EIF4G2: variants seen among roughly 807,000 people sequenced by gnomAD.
EIF4G2 encodes eukaryotic translation initiation factor 4 gamma 2, also known as DAP-5.
In EIF4G2, 8 loss-of-function variants were observed where a neutral mutation model predicts 117.7. That is an observed-to-expected ratio of 0.07 (90% CI 0.04 to 0.12). The LOEUF (loss-of-function observed/expected upper bound fraction) is 0.12, where lower values mean the gene tolerates loss of function less well. EIF4G2 is among the 10% of genes least tolerant of loss of function. The probability of loss-of-function intolerance (pLI) is 1.00; values close to 1 mark genes in which losing one functional copy is unlikely to be tolerated. For synonymous variants in EIF4G2, 413 were observed against 367.8 expected (o/e 1.12, Z -1.41); for missense variants, 812 against 1,086.2 (o/e 0.75, Z 3.55).
rs1847494696 is a variant in EIF4G2, at chr11:10,804,046, A to G, written c.555T>C (p.Tyr185=). The change falls in exon 8 of 22, where the codon TAT becomes TAC. Residue 185 remains tyrosine, a synonymous_variant. Coordinates refer to ENST00000339995, the MANE Select transcript of EIF4G2 (RefSeq NM_001418.4). The stretch of plus-strand genomic sequence containing the variant: ...GGAGGAGGGGATTTTCACGCTTATC[A>G]TAGACTGAAAAAGATACCAATGAAG... 3.7e-6 allele frequency: 6 copies of G among 1,613,842 alleles called. No individual in the cohort carries two copies. Among genetic ancestry groups the G allele is most frequent in the Non-Finnish European group, 5.1e-6 (6 of 1,179,814 alleles).
In EIF4G2 at chr11:10,808,647, C is replaced by G. The variant is rs929271089; in HGVS notation, c.-87+58G>C. On this transcript the variant is annotated intron_variant, in intron 1 of 21. Transcript: ENST00000339995. ...TTTTGTACCACTCGAGAAGAAGCGA[C>G]CAGGGACGGCGGCCATTTTAGAGCG... 4.4e-5 allele frequency: 16 copies of G among 359,972 alleles called. No homozygotes were observed. In the South Asian group the frequency reaches 5.4e-4, roughly 12 times the overall value. The allele number at this position is 359,972 out of a possible 1,614,324, so 22.3% of individuals were successfully genotyped here. A position where few individuals can be genotyped will look rare whatever the true frequency, so the allele number is the denominator to read the frequency against.
chr11:10,797,895 T>C lies in EIF4G2; in HGVS notation c.2659-14A>G. ...CCACTGATTCACCTATAAATTAAGA[T>C]TTGTAAATTAAAATAGTTCATGATA... On this transcript the variant is annotated splice_polypyrimidine_tract_variant and intron_variant, in intron 21 of 21. Transcript: ENST00000339995. This position sits in a 1 kb window ranked among gnomAD's most constrained non-coding sequence, Gnocchi z 4.5. The C allele has an allele frequency of 6.2e-7, 1 of 1,612,076 alleles. No individual in the cohort carries two copies. Among genetic ancestry groups the C allele is most frequent in the Non-Finnish European group, 8.5e-7 (1 of 1,179,036 alleles).
At position 10,805,029 on chromosome 11, in the gene EIF4G2, AATTAC is replaced by A. The variant is rs746464432; in HGVS notation, c.249-19_249-15del. 13 of 1,595,082 alleles carry A rather than the reference AATTAC, an allele frequency of 8.2e-6. No individual in the cohort carries two copies. Among genetic ancestry groups the A allele is most frequent in the Non-Finnish European group, 1.1e-5 (13 of 1,162,748 alleles). On this transcript the variant is annotated splice_polypyrimidine_tract_variant and intron_variant, in intron 4 of 21. Transcript: ENST00000339995. ...TTATTTAGTATGCTGGAGAAAAAGG[AATTAC>A]ATTTTAAGTGTTAGCTAATACACAG...
rs1317890781 is a variant in EIF4G2 at position 10,797,610 on chromosome 11, T to C, written c.*206A>G. ...TAATATACTATCTAAACATTAAAGA[T>C]ACTCCTAAAATATTTGATGGTAGAC... On this transcript the variant is annotated 3_prime_UTR_variant, in exon 22 of 22. Coordinates refer to ENST00000339995, the MANE Select transcript of EIF4G2 (RefSeq NM_001418.4). The surrounding 1 kb of genome is among the most constrained non-coding windows in gnomAD (Gnocchi z 4.5). 2 of 578,706 alleles carry C rather than the reference T, an allele frequency of 3.5e-6. No homozygotes were observed. Among genetic ancestry groups the C allele is most frequent in the Non-Finnish European group, 6.1e-6 (2 of 326,248 alleles). The allele number at this position is 578,706 out of a possible 1,614,324, so 35.8% of individuals were successfully genotyped here. A position where few individuals can be genotyped will look rare whatever the true frequency, so the allele number is the denominator to read the frequency against.
Position 10,803,333 on chromosome 11 carries a change from C to A in EIF4G2, c.814-39G>T, listed in dbSNP as rs769596684. On this transcript the variant is annotated intron_variant, in intron 9 of 21. Coordinates refer to ENST00000339995, the MANE Select transcript of EIF4G2 (RefSeq NM_001418.4). This position sits in a 1 kb window ranked among gnomAD's most constrained non-coding sequence, Gnocchi z 4.0. ...AATACATTCATTGGAAGAGCTAAAG[C>A]AAATGTGTTCAATTTACAGCTTTAA... is the stretch of plus-strand genomic sequence containing the variant. The A allele has an allele frequency of 2.5e-6, 4 of 1,601,380 alleles. No homozygotes were observed. The highest frequency in any genetic ancestry group is 3.4e-6 in the Non-Finnish European group (4 of 1,172,136).
intron 1 of EIF4G2, 172 bp from the exon 2 acceptor site, chr11:10,807,553 A>G: frequency 7.8e-7 from 1 of 1,279,872 alleles, no homozygotes; most frequent in Non-Finnish European, 9.9e-7. Flanking sequence ...AGCCACCTGG[A>G]AATTCCCCGG....
chr11:10,804,461 C>T lies in EIF4G2; in HGVS notation c.352-43G>A, dbSNP rs913792813. On this transcript the variant is annotated intron_variant, in intron 5 of 21. Transcript: ENST00000339995. ...GCTTAAACTAAATATGAAAACTTCT[C>T]CAAGAACCCTTCCTTTAGGAAAAAT... The T allele has an allele frequency of 9.1e-6, 14 of 1,535,920 alleles. No individual in the cohort carries two copies. In the African/African-American group the frequency reaches 9.7e-5, roughly 11 times the overall value.
chr11:10,802,985 C>T lies in EIF4G2; in HGVS notation c.996+45G>A, dbSNP rs1273238540. ...TGAGGAGGAAACCCATTCTATTCTA[C>T]ACACACAGAGTCTATGTGACAAACA... On this transcript the variant is annotated intron_variant, in intron 11 of 21. Coordinates refer to ENST00000339995, the MANE Select transcript of EIF4G2 (RefSeq NM_001418.4). 1.0e-5 allele frequency: 16 copies of T among 1,564,068 alleles called. No individual in the cohort carries two copies. In the South Asian group the frequency reaches 1.8e-4, roughly 18 times the overall value.
intron 11 of EIF4G2, 73 bp from the exon 12 acceptor site, chr11:10,802,508 T>C: frequency 6.9e-7 from 1 of 1,456,994 alleles, no homozygotes; most frequent in Non-Finnish European, 9.1e-7. Context: ...TTCTTGCAAC[T>C]AGGGGGGGAA....
chr11:10,802,824 G>A (rs530212625), intron 11 of EIF4G2, among the ~76,000 whole-genome samples: 37 of 152,202 alleles, frequency 2.4e-4, no homozygotes, highest in African/African-American at 7.7e-4. Flanking sequence ...TCGAGAATGC[G>A]CCACTGCACT....
chr11:10,807,174 A>T, intron 2 of EIF4G2, 81 bp downstream of exon 2: 2 of 1,528,460 alleles, frequency 1.3e-6, no homozygotes, highest in Non-Finnish European at 1.8e-6. Context: ...GCAGCCCATT[A>T]AGTCGGACTT....
chr11:10,806,641 T>C, intron 3 of EIF4G2, 179 bp downstream of exon 3: 2 of 603,284 alleles, frequency 3.3e-6, no homozygotes, highest in South Asian at 4.9e-5. Flanking sequence ...CTCAACTCAC[T>C]TAGAAAATTT....
intron 14 of EIF4G2, 30 bp downstream of exon 14, chr11:10,801,631 A>G (rs199909225): frequency 6.3e-7 from 1 of 1,583,328 alleles, no homozygotes; most frequent in East Asian, 2.2e-5. Flanking sequence ...TGGACAAACT[A>G]TGGTATATAA....
chr11:10,804,487 A>G, intron 5 of EIF4G2, 69 bp from the exon 6 acceptor site: 4 of 1,508,602 alleles, frequency 2.7e-6, no homozygotes, highest in Non-Finnish European at 3.5e-6. Context: ...TAGGAAAAAT[A>G]CAACCACCTA....
intron 1 of EIF4G2, chr11:10,807,825 C>T: frequency 3.0e-6 from 3 of 991,436 alleles, no homozygotes; most frequent in Non-Finnish European, 2.4e-6. Context: ...CGCCTCCTCC[C>T]CGTGGAGAGC....
At chr11:10,808,500 G>A (rs1021869797) in intron 1 of EIF4G2, 8 of 1,239,592 alleles carry the variant, frequency 6.5e-6, no homozygotes, top group Admixed American at 5.7e-5. Context: ...CAACACTGAC[G>A]TTTTCCTTCT....
rs758846275 is a variant in EIF4G2, at chr11:10,803,491, C to T, written c.802G>A (p.Glu268Lys). The change falls in exon 9 of 22, where the codon GAA becomes AAA. Residue 268 changes from glutamate (E) to lysine (K), a missense_variant. Around this residue, in one of 4 missense-constraint regions of EIF4G2, gnomAD observed 154 missense variants for 322.1 expected, o/e 0.48. Transcript: ENST00000339995. This position sits in a 1 kb window ranked among gnomAD's most constrained non-coding sequence, Gnocchi z 4.0. ...AGCTACACACGTACCTTGGCTCGTTCATGGTCTAATCTAGGTCCCACTGTC... is the reference window on the plus strand; with the variant it reads ...AGCTACACACGTACCTTGGCTCGTTTATGGTCTAATCTAGGTCCCACTGTC... The T allele has an allele frequency of 6.2e-7, 1 of 1,613,994 alleles. No homozygotes were observed.
rs1847380553 is a variant in EIF4G2 at position 10,800,292 on chromosome 11, C to T, written c.1917G>A (p.Val639=). The change falls in exon 18 of 22, where the codon GTG becomes GTA. Residue 639 remains valine, a synonymous_variant. Transcript: ENST00000339995. ...CTGCAAACTGTGCTAAATAGGATTTCACCAAAGGGATGTCAACCTCCAGTT... is the reference window on the plus strand; with the variant it reads ...CTGCAAACTGTGCTAAATAGGATTTTACCAAAGGGATGTCAACCTCCAGTT... 6.2e-7 allele frequency: 1 copy of T among 1,614,068 alleles called. No homozygotes were observed. The highest frequency in any genetic ancestry group is 8.5e-7 in the Non-Finnish European group (1 of 1,180,032).
Position 10,803,334 on chromosome 11 carries a change from A to G in EIF4G2, c.814-40T>C, listed in dbSNP as rs772960207. 8.1e-6 allele frequency: 13 copies of G among 1,601,614 alleles called. No homozygotes were observed. Among genetic ancestry groups the G allele is most frequent in the Non-Finnish European group, 1.1e-5 (13 of 1,171,998 alleles). ...ATACATTCATTGGAAGAGCTAAAGCAAATGTGTTCAATTTACAGCTTTAAG... is the reference window on the plus strand; with the variant it reads ...ATACATTCATTGGAAGAGCTAAAGCGAATGTGTTCAATTTACAGCTTTAAG... On this transcript the variant is annotated intron_variant, in intron 9 of 21. Transcript: ENST00000339995. This position sits in a 1 kb window ranked among gnomAD's most constrained non-coding sequence, Gnocchi z 4.0.
Sources: allele counts gnomAD v4.1 joint callset (sites outside exome capture counted in the v4.1 genomes callset), GRCh38; gene constraint gnomAD v4.1.1; regional missense constraint gnomAD v4.1.1; non-coding constraint Gnocchi (gnomAD v3.1); transcripts MANE v1.5; gene names NCBI Gene and HGNC (gene_info 2026-07-23, HGNC 2026-07-21).